SSBP2: variants seen among roughly 807,000 people sequenced by gnomAD.
SSBP2 encodes single-stranded DNA-binding protein 2.
Under a neutral mutation model 61.8 loss-of-function variants are expected in SSBP2, and 17 were observed. The observed-to-expected ratio is 0.28, with a 90% CI of 0.19 to 0.41. The LOEUF (loss-of-function observed/expected upper bound fraction) is 0.41. Ranked by LOEUF, SSBP2 falls within the 10% of genes least tolerant of loss-of-function variation. SSBP2 has a pLI of 1.00. For synonymous variants in SSBP2, 139 were observed against 141.3 expected (o/e 0.98, Z 0.12); for missense variants, 310 against 458.7 (o/e 0.68, Z 2.96).
chr5:81,591,201 G>C (rs2153516193), intron 4 of SSBP2, among the ~76,000 whole-genome samples: 1 of 152,260 alleles, frequency 6.6e-6, no homozygotes, highest in Middle Eastern at 3.4e-3. Context: ...AGAGAAATCT[G>C]AAACCTGTGG....
intron 1 of SSBP2, among the ~76,000 whole-genome samples, chr5:81,708,931 T>C (rs937639291): frequency 1.3e-5 from 2 of 151,986 alleles, no homozygotes. Flanking sequence ...AAAACTCTTA[T>C]TGTGATTACA....
intron 1 of SSBP2, among the ~76,000 whole-genome samples, chr5:81,669,393 T>G (rs1205295884): frequency 1.3e-5 from 2 of 152,186 alleles, no homozygotes; most frequent in Admixed American, 1.3e-4. Flanking sequence ...GCAACTTTAT[T>G]CATAATTGGC....
At position 81,656,585 on chromosome 5, in the gene SSBP2, A is replaced by C. The variant is rs77189200; in HGVS notation, c.63-6246T>G. Among the ~76,000 whole-genome samples the C allele has an allele frequency of 9.8e-3, 1,499 of 152,200 alleles. 19 individuals carry two copies. The highest frequency in any genetic ancestry group is 0.034 in the African/African-American group (1,410 of 41,540). ...TAACATATAGCCTTATGTCAAGCTA[A>C]TATGTTTAATATATAAAGAGCACAA... On this transcript the variant is annotated intron_variant, in intron 1 of 16. Transcript: ENST00000320672.
chr5:81,535,418 G>A (rs1364935526), intron 4 of SSBP2, among the ~76,000 whole-genome samples: 6 of 152,004 alleles, frequency 3.9e-5, no homozygotes, highest in Non-Finnish European at 5.9e-5. Flanking sequence ...TTATTTCGTC[G>A]CTATTGATGA....
intron 2 of SSBP2, among the ~76,000 whole-genome samples, chr5:81,644,562 T>A (rs1039150219): frequency 1.3e-5 from 2 of 152,212 alleles, no homozygotes; most frequent in Non-Finnish European, 2.9e-5. Context: ...TTATGTCTAG[T>A]ATTCAAGTTA....
At chr5:81,723,218 A>T (rs2153974551) in intron 1 of SSBP2, among the ~76,000 whole-genome samples, 1 of 152,120 alleles carries the variant, frequency 6.6e-6, no homozygotes, top group South Asian at 2.1e-4. Context: ...AGATTACATA[A>T]CTTCTTCCCA....
Position 81,417,572 on chromosome 5 carries a change from T to C in SSBP2, c.*2932A>G, listed in dbSNP as rs1359763204. ...TAGTATACATCAAGACCAACACGAA[T>C]GCATTGATAAAGATGGAAAACACAA... On this transcript the variant is annotated 3_prime_UTR_variant, in exon 17 of 17. Coordinates refer to ENST00000320672, the MANE Select transcript of SSBP2 (RefSeq NM_012446.5). 1 of 152,126 alleles carries C rather than the reference T, an allele frequency of 6.6e-6. No homozygotes were observed. The highest frequency in any genetic ancestry group is 1.5e-5 in the Non-Finnish European group (1 of 68,006). The allele number at this position is 152,126 out of a possible 1,614,324, so 9.4% of individuals were successfully genotyped here. A position where few individuals can be genotyped will look rare whatever the true frequency, so the allele number is the denominator to read the frequency against.
chr5:81,561,234 T>C (rs2153414585), intron 4 of SSBP2, among the ~76,000 whole-genome samples: 1 of 152,260 alleles, frequency 6.6e-6, no homozygotes, highest in African/African-American at 2.4e-5. Flanking sequence ...AGGAAAATAA[T>C]AGCCAAAGAG....
intron 1 of SSBP2, among the ~76,000 whole-genome samples, chr5:81,708,224 A>C (rs933397035): frequency 6.6e-6 from 1 of 152,122 alleles, no homozygotes; most frequent in Non-Finnish European, 1.5e-5. Flanking sequence ...GCCTTCAAGG[A>C]GCTCTCTCTA....
intron 1 of SSBP2, among the ~76,000 whole-genome samples, chr5:81,708,722 C>G (rs1385081728): frequency 6.6e-6 from 1 of 152,028 alleles, no homozygotes; most frequent in Non-Finnish European, 1.5e-5. Flanking sequence ...TATGTATGGG[C>G]AATGTGTCCC....
At chr5:81,658,169 T>A (rs1242470448) in intron 1 of SSBP2, among the ~76,000 whole-genome samples, 1 of 152,184 alleles carries the variant, frequency 6.6e-6, no homozygotes. Context: ...CTTGAATGTA[T>A]TCCTAATCTA....
intron 10 of SSBP2, among the ~76,000 whole-genome samples, chr5:81,455,728 T>C (rs1020422309): frequency 5.3e-5 from 8 of 151,598 alleles, no homozygotes; most frequent in African/African-American, 1.9e-4. Flanking sequence ...AAAATGAAGA[T>C]GTAGAAGATA....
intron 3 of SSBP2, among the ~76,000 whole-genome samples, chr5:81,633,827 T>A (rs963053113): frequency 4.6e-5 from 7 of 152,216 alleles, no homozygotes; most frequent in African/African-American, 1.7e-4. Context: ...ATCCCTCAAA[T>A]CCTTCTACTT....
At chr5:81,566,491 C>A (rs1216764460) in intron 4 of SSBP2, among the ~76,000 whole-genome samples, 6 of 152,198 alleles carry the variant, frequency 3.9e-5, no homozygotes, top group Non-Finnish European at 8.8e-5. Flanking sequence ...TCCTTGCCTT[C>A]TGCCATGATT....
At chr5:81,472,862 A>G (rs552426521) in intron 8 of SSBP2, among the ~76,000 whole-genome samples, 7 of 152,334 alleles carry the variant, frequency 4.6e-5, no homozygotes, top group Admixed American at 2.6e-4. Context: ...TGGCCTCCCA[A>G]AGTGCTGGGA....
chr5:81,701,671 G>A (rs923490822), intron 1 of SSBP2, among the ~76,000 whole-genome samples: 5 of 152,090 alleles, frequency 3.3e-5, no homozygotes, highest in Admixed American at 6.5e-5. Flanking sequence ...TTTTATTTTA[G>A]TTGTACCAAA....
At chr5:81,751,455 G>A (rs1477656506), upstream of SSBP2, among the ~76,000 whole-genome samples, 1 of 151,838 alleles carries the variant, frequency 6.6e-6, no homozygotes, top group Non-Finnish European at 1.5e-5. Flanking sequence ...CGCGCCGCCC[G>A]CGCTCAGCTC....
intron 10 of SSBP2, among the ~76,000 whole-genome samples, chr5:81,452,010 T>C (rs1252719611): frequency 3.3e-5 from 5 of 152,074 alleles, no homozygotes; most frequent in Non-Finnish European, 7.3e-5. Context: ...GTACAGAAGA[T>C]ACATTTGAGC....
At position 81,448,939 on chromosome 5, in the gene SSBP2, T is replaced by C. The variant is rs3764986; in HGVS notation, c.688-114A>G. On this transcript the variant is annotated intron_variant, in intron 10 of 16. Coordinates refer to ENST00000320672, the MANE Select transcript of SSBP2 (RefSeq NM_012446.5). The stretch of plus-strand genomic sequence containing the variant: ...AAGTTTTAAAATGTATCACAAAGTA[T>C]AGTAAAGGATAAAAAAATTTGTATC... 0.3 allele frequency: 235,667 copies of C among 784,766 alleles called. 37,375 individuals carry two copies. Among genetic ancestry groups the C allele is most frequent in the African/African-American group, 0.46 (25,883 of 56,848 alleles). 48.6% of individuals were successfully genotyped at this position (784,766 alleles called of 1,614,324 possible).
Sources: gnomAD v4.1 joint callset for allele counts (sites outside exome capture counted in the v4.1 genomes callset) on GRCh38, gnomAD v4.1.1 for gene constraint, MANE v1.5 for transcripts, NCBI Gene and HGNC (gene_info 2026-07-23, HGNC 2026-07-21) for gene names.